The following FANCD2 variants were observed in gnomAD, a reference collection of about 807,000 sequenced individuals.
FANCD2 encodes FA complementation group D2, also known as Fanconi anemia group D2 protein.
Under a neutral mutation model 192.3 loss-of-function variants are expected in FANCD2, and 131 were observed. The ratio of observed to expected loss-of-function variants is 0.68; its 90% CI spans 0.59 to 0.79. FANCD2 has a LOEUF of 0.79. Among genes scored for constraint, FANCD2 ranks in the 30% least tolerant of loss-of-function variants. FANCD2 has a pLI of 0.00. For missense variants in FANCD2, 1,508 were observed against 1,701.6 expected (o/e 0.89, Z 2.00); for synonymous variants, 524 against 612.5 (o/e 0.86, Z 2.13).
chr3:10,079,618 C>T (rs1276274010), intron 30 of FANCD2, among the ~76,000 whole-genome samples: 4 of 152,080 alleles, frequency 2.6e-5, no homozygotes, highest in African/African-American at 9.7e-5. Context: ...GAGCACTGCG[C>T]CCAGCCTACG....
chr3:10,093,795 C>G (rs371741197), intron 39 of FANCD2, among the ~76,000 whole-genome samples: 2 of 152,320 alleles, frequency 1.3e-5, no homozygotes, highest in African/African-American at 4.8e-5. Context: ...TACTTCGCCA[C>G]TCCTCAAGTT....
At position 10,033,698 on chromosome 3, in the gene FANCD2, C is replaced by CTTTTTTTTT. The variant is rs34115008; in HGVS notation, c.205+738_205+746dup. ...TGGCTATCTGCTATCAAAGCTAAGT[C>CTTTTTTTTT]TTTTTTTTTTTTTTTTTTTTGAGAC... On this transcript the variant is annotated intron_variant, in intron 3 of 43. Transcript: ENST00000675286. Among the ~76,000 whole-genome samples the CTTTTTTTTT allele has an allele frequency of 9.2e-4, 82 of 89,372 alleles. 4 individuals are homozygous for CTTTTTTTTT. Among genetic ancestry groups the CTTTTTTTTT allele is most frequent in the Non-Finnish European group, 1.1e-3 (54 of 50,876 alleles). 58.6% of individuals were successfully genotyped at this position (89,372 alleles called of 152,430 possible). A position where few individuals can be genotyped will look rare whatever the true frequency, so the allele number is the denominator to read the frequency against.
At chr3:10,099,202 G>A in intron 43 of FANCD2, 1 of 1,379,614 alleles carries the variant, frequency 7.2e-7, no homozygotes, top group Non-Finnish European at 9.4e-7. Context: ...ATAGAAATGT[G>A]AAAGCATTTG....
intron 3 of FANCD2, among the ~76,000 whole-genome samples, chr3:10,033,177 C>T (rs531192901): frequency 3.9e-5 from 6 of 152,162 alleles, no homozygotes; most frequent in Admixed American, 1.3e-4. Context: ...TTGGGAGGCT[C>T]GAGGCAGGCG....
chr3:10,048,329 G>GT (rs2087091001), intron 16 of FANCD2, among the ~76,000 whole-genome samples: 1 of 128,882 alleles, frequency 7.8e-6, no homozygotes, highest in African/African-American at 3.0e-5. Context: ...TTGAGACGTG[G>GT]TTTTGCTCTT....
At chr3:10,084,078 C>A (rs1694022253) in intron 32 of FANCD2, among the ~76,000 whole-genome samples, 1 of 151,668 alleles carries the variant, frequency 6.6e-6, no homozygotes, top group African/African-American at 2.4e-5. Flanking sequence ...ACTATAACCT[C>A]TGCTGCCCGG....
chr3:10,063,730 C>T (rs1575790126), intron 20 of FANCD2, 62 bp from the exon 21 acceptor site: 14 of 1,608,906 alleles, frequency 8.7e-6, no homozygotes, highest in Middle Eastern at 2.0e-4. Context: ...TTGAAAGGGG[C>T]GAGTGGAGTT....
intron 30 of FANCD2, among the ~76,000 whole-genome samples, chr3:10,079,345 C>G (rs530258596): frequency 1.2e-3 from 181 of 152,238 alleles, no homozygotes; most frequent in Non-Finnish European, 2.1e-3. Context: ...CGCTGTGTCT[C>G]CCAGGCTGGA....
intron 29 of FANCD2, among the ~76,000 whole-genome samples, chr3:10,077,149 C>T (rs1398526367): frequency 7.0e-6 from 1 of 143,484 alleles, no homozygotes; most frequent in Non-Finnish European, 1.5e-5. Context: ...GGGACCATCA[C>T]TTGAGTCCAG....
At chr3:10,060,456 C>T in intron 19 of FANCD2, 53 bp downstream of exon 19, 1 of 1,289,694 alleles carries the variant, frequency 7.8e-7, no homozygotes, top group East Asian at 2.3e-5. Context: ...ATCTTGCTAA[C>T]TAAGTGTTAC....
rs1693439655 is a variant in FANCD2 at position 10,074,657 on chromosome 3, C to T, written c.2843C>T (p.Thr948Ile). 1.2e-6 allele frequency: 2 copies of T among 1,613,756 alleles called. No individual in the cohort carries two copies. The highest frequency in any genetic ancestry group is 1.7e-6 in the Non-Finnish European group (2 of 1,179,842). The change falls in exon 29 of 44, where the codon ACT (threonine) becomes ATT (isoleucine). Residue 948 changes from threonine to isoleucine, a missense_variant. Physicochemically the swap from Thr to Ile is moderately conservative, Grantham distance 89. Around this residue, in one of 5 missense-constraint regions of FANCD2, gnomAD observed 796 missense variants for 879.4 expected, o/e 0.91. Coordinates refer to ENST00000675286, the MANE Select transcript of FANCD2 (RefSeq NM_001018115.3). ...CTTGTGACGAAGTTCATCTTAGATA[C>T]TGAAATGCACACTGAAGTAAGTGAC... is the stretch of plus-strand genomic sequence containing the variant. ...CGLVTKFILDTEMHTEATEVV... is the reference protein window; with the variant it reads ...CGLVTKFILDIEMHTEATEVV...
intron 37 of FANCD2, among the ~76,000 whole-genome samples, chr3:10,091,012 C>G (rs1243914948): frequency 1.3e-5 from 2 of 151,824 alleles, no homozygotes; most frequent in Non-Finnish European, 2.9e-5. Flanking sequence ...CTAACCAGAA[C>G]GGAGCTAGAC....
intron 35 of FANCD2, 28 bp from the exon 36 acceptor site, chr3:10,088,800 T>A: frequency 6.2e-7 from 1 of 1,612,780 alleles, no homozygotes; most frequent in Non-Finnish European, 8.5e-7. Context: ...TGTTAATTAG[T>A]GGGTCAAATA....
rs34092072 is a variant in FANCD2, at chr3:10,099,213, G to C, written c.4281+398G>C. The C allele has an allele frequency of 3.9e-3, 5,278 of 1,363,580 alleles. 10 individuals carry two copies. The highest frequency in any genetic ancestry group is 4.7e-3 in the Non-Finnish European group (4,935 of 1,057,760). 84.5% of individuals were successfully genotyped at this position (1,363,580 alleles called of 1,614,324 possible). A position where few individuals can be genotyped will look rare whatever the true frequency, so the allele number is the denominator to read the frequency against. On this transcript the variant is annotated intron_variant, in intron 43 of 43. Transcript: ENST00000675286. Reference sequence around the variant, plus strand: ...AAAAATAGAAATGTGAAAGCATTTGGTGAAAGCCAAAGCACAGAGTCAGAA... The same window carrying C: ...AAAAATAGAAATGTGAAAGCATTTGCTGAAAGCCAAAGCACAGAGTCAGAA...
chr3:10,029,375 C>T (rs2086535369), intron 2 of FANCD2, among the ~76,000 whole-genome samples: 1 of 152,038 alleles, frequency 6.6e-6, no homozygotes, highest in South Asian at 2.1e-4. Context: ...GTGGTTTGTG[C>T]CTGTGGTCCC....
chr3:10,067,880 T>C (rs1486568146), intron 26 of FANCD2, among the ~76,000 whole-genome samples: 2 of 152,178 alleles, frequency 1.3e-5, no homozygotes, highest in Non-Finnish European at 2.9e-5. Flanking sequence ...TCAACATATG[T>C]AAATCAATGT....
intron 14 of FANCD2, chr3:10,046,299 C>T (rs1324146836): frequency 1.9e-5 from 7 of 376,990 alleles, no homozygotes; most frequent in Non-Finnish European, 3.0e-5. Flanking sequence ...GTGATCTGCC[C>T]GCCTTGGCCT....
chr3:10,076,081 G>A (rs1304798811), intron 29 of FANCD2, among the ~76,000 whole-genome samples: 2 of 150,414 alleles, frequency 1.3e-5, no homozygotes, highest in Non-Finnish European at 3.0e-5. Flanking sequence ...GCCCTTAGGA[G>A]ATGCCACATA....
At chr3:10,041,579 G>A in intron 9 of FANCD2, 44 bp from the exon 10 acceptor site, 2 of 1,351,032 alleles carry the variant, frequency 1.5e-6, no homozygotes, top group Non-Finnish European at 2.1e-6. Flanking sequence ...GCCCAGCTCT[G>A]TTCAAACCAT....
Sources: allele counts gnomAD v4.1 joint callset (sites outside exome capture counted in the v4.1 genomes callset), GRCh38; gene constraint gnomAD v4.1.1; regional missense constraint gnomAD v4.1.1; transcripts MANE v1.5; gene names NCBI Gene and HGNC (gene_info 2026-07-23, HGNC 2026-07-21).